Variants in TTC39C observed in about 807,000 individuals in gnomAD.
TTC39C encodes the protein tetratricopeptide repeat domain 39C.
Under a neutral mutation model 76.3 loss-of-function variants are expected in TTC39C, and 33 were observed. The observed-to-expected ratio is 0.43, with a 90% CI of 0.33 to 0.58. TTC39C has a LOEUF of 0.58. Ranked by LOEUF, TTC39C falls within the 20% of genes least tolerant of loss-of-function variation. The pLI is 0.04. For synonymous variants in TTC39C, 254 were observed against 260.6 expected, an observed-to-expected ratio of 0.97 and a Z score of 0.24; for missense variants, 595 against 701.4, an observed-to-expected ratio of 0.85 and a Z score of 1.71.
At chr18:24,053,022 A>G (rs1430043754) in intron 1 of TTC39C, among the ~76,000 whole-genome samples, 1 of 152,242 alleles carries the variant, frequency 6.6e-6, no homozygotes, top group Non-Finnish European at 1.5e-5. Flanking sequence ...GACATTCCAC[A>G]GATGCTGTCG....
intron 6 of TTC39C, among the ~76,000 whole-genome samples, chr18:24,100,265 C>A (rs7244129): frequency 0.34 from 50,960 of 152,068 alleles, 9,269 homozygotes; most frequent in South Asian, 0.49. Context: ...CCTTTAATAA[C>A]CTGTGTGGAA....
chr18:24,011,452 C>G (rs1392889027), upstream of TTC39C, among the ~76,000 whole-genome samples: 4 of 152,184 alleles, frequency 2.6e-5, no homozygotes, highest in Non-Finnish European at 5.9e-5. Flanking sequence ...AGAGGCGGCC[C>G]TGTCTGAGAA....
At chr18:24,001,122 T>G (rs2083307838) in intron 1 of TTC39C, among the ~76,000 whole-genome samples, 1 of 152,208 alleles carries the variant, frequency 6.6e-6, no homozygotes. Flanking sequence ...GTCTGAAGTT[T>G]AACACATGAA....
chr18:24,126,759 C>G (rs763791907), intron 10 of TTC39C, among the ~76,000 whole-genome samples: 1 of 151,878 alleles, frequency 6.6e-6, no homozygotes, highest in Non-Finnish European at 1.5e-5. Context: ...GTGGTCCTTT[C>G]ACCTCAGTCT....
intron 1 of TTC39C, among the ~76,000 whole-genome samples, chr18:24,057,558 T>C (rs915046975): frequency 2.6e-5 from 4 of 151,956 alleles, no homozygotes; most frequent in African/African-American, 7.2e-5. Context: ...CATGGACTCA[T>C]CTAGGATATA....
intron 1 of TTC39C, among the ~76,000 whole-genome samples, chr18:24,037,553 C>T (rs984727796): frequency 1.1e-4 from 16 of 152,172 alleles, no homozygotes; most frequent in Non-Finnish European, 2.1e-4. Flanking sequence ...TGGAGAGTAG[C>T]GTTGCAGAGT....
At chr18:24,083,880 A>G (rs1417453610) in intron 6 of TTC39C, among the ~76,000 whole-genome samples, 1 of 152,220 alleles carries the variant, frequency 6.6e-6, no homozygotes, top group African/African-American at 2.4e-5. Flanking sequence ...TGCTCCATCT[A>G]CATTGTTACC....
chr18:24,014,226 G>GGTTTCAGTTACTCGTGGA (rs1037894814), upstream of TTC39C, among the ~76,000 whole-genome samples: 144 of 152,108 alleles, frequency 9.5e-4, 3 homozygotes, highest in East Asian at 0.023. Flanking sequence ...GGCTGCGTGG[G>GGTTTCAGTTACTCGTGGA]GTTTCAGTTA....
At chr18:24,095,196 T>A (rs1050733344) in intron 6 of TTC39C, among the ~76,000 whole-genome samples, 1 of 152,238 alleles carries the variant, frequency 6.6e-6, no homozygotes, top group Non-Finnish European at 1.5e-5. Context: ...AACCTTGGGC[T>A]TTTCTTCTAC....
At chr18:24,019,232 C>T (rs969181967) in intron 1 of TTC39C, among the ~76,000 whole-genome samples, 14 of 152,178 alleles carry the variant, frequency 9.2e-5, no homozygotes, top group African/African-American at 3.4e-4. Flanking sequence ...CTTGAGGTTA[C>T]CAGCCCATCT....
chr18:24,034,370 A>G (rs1342194390), intron 1 of TTC39C, among the ~76,000 whole-genome samples: 1 of 152,246 alleles, frequency 6.6e-6, no homozygotes, highest in Admixed American at 6.5e-5. Context: ...TTTAATGCTC[A>G]ATGTTTTAAA....
At chr18:24,004,108 GC>G (rs1324177485) in intron 1 of TTC39C, among the ~76,000 whole-genome samples, 1 of 152,124 alleles carries the variant, frequency 6.6e-6, no homozygotes, top group East Asian at 1.9e-4. Flanking sequence ...CAGTGCAGAG[GC>G]AAACACCACT....
intron 1 of TTC39C, among the ~76,000 whole-genome samples, chr18:24,024,014 ATAT>A (rs1172963834): frequency 3.2e-4 from 2 of 6,226 alleles, no homozygotes; most frequent in African/African-American, 5.0e-4. Context: ...ATATATATAT[ATAT>A]TTTTTTTTTT....
chr18:24,009,230 A>AT (rs1055182289), intron 1 of TTC39C, among the ~76,000 whole-genome samples: 9 of 152,106 alleles, frequency 5.9e-5, no homozygotes, highest in African/African-American at 1.2e-4. Flanking sequence ...TAGTGGAAAG[A>AT]TTTTTTTTGC....
chr18:23,995,615 G>A (rs2083254993), intron 1 of TTC39C, among the ~76,000 whole-genome samples: 1 of 152,108 alleles, frequency 6.6e-6, no homozygotes, highest in Admixed American at 6.6e-5. Context: ...ACTACACCTT[G>A]GGGCTATTAC....
chr18:24,125,530 A>G lies in TTC39C; in HGVS notation c.1400A>G (p.Asn467Ser). Residue 467 changes from asparagine to serine, a missense_variant, in exon 10 of 14, where the codon AAC (asparagine) becomes AGC (serine). Asn to Ser is a conservative substitution (Grantham distance 46). Transcript: ENST00000317571. ...GCTCTTCCAAACTGTTCCTTCCCCA[A>G]CCTGCAGAGGATGAGTCAAGGTAAA... Reference protein sequence around the residue: ...WKALPNCSFPNLQRMSQACHE... With the variant: ...WKALPNCSFPSLQRMSQACHE... The G allele has an allele frequency of 6.2e-7, 1 of 1,614,034 alleles. No homozygotes were observed. The highest frequency in any genetic ancestry group is 8.5e-7 in the Non-Finnish European group (1 of 1,180,000).
chr18:24,075,396 C>A (rs1012888683), intron 4 of TTC39C, among the ~76,000 whole-genome samples: 1 of 152,012 alleles, frequency 6.6e-6, no homozygotes, highest in African/African-American at 2.4e-5. Flanking sequence ...AAGTCTTGGG[C>A]CAGGAACAGT....
At chr18:24,116,416 G>A (rs768466779) in intron 7 of TTC39C, among the ~76,000 whole-genome samples, 9 of 152,094 alleles carry the variant, frequency 5.9e-5, no homozygotes, top group Non-Finnish European at 8.8e-5. Flanking sequence ...GGTAGTGGGC[G>A]CCTATAATCT....
intron 3 of TTC39C, 123 bp downstream of exon 3, chr18:24,066,263 T>A: frequency 2.4e-6 from 3 of 1,265,894 alleles, no homozygotes; most frequent in Non-Finnish European, 3.2e-6. Context: ...AAAACCACAA[T>A]GTTTCTTATG....
Sources: allele counts gnomAD v4.1 joint callset (sites outside exome capture counted in the v4.1 genomes callset), GRCh38; gene constraint gnomAD v4.1.1; transcripts MANE v1.5; gene names NCBI Gene and HGNC (gene_info 2026-07-23, HGNC 2026-07-21).